The following NRG1 variants were observed in gnomAD, a reference collection of about 807,000 sequenced individuals.
NRG1 encodes the protein neuregulin 1.
A neutral mutation model predicts 63.8 loss-of-function variants in NRG1; 18 were observed. The observed-to-expected ratio is 0.28, with a 90% CI of 0.19 to 0.42. NRG1 has a LOEUF of 0.42. Ranked by LOEUF, NRG1 falls within the 10% of genes least tolerant of loss-of-function variation. The pLI is 1.00. For missense variants in NRG1, 762 were observed against 814.7 expected (o/e 0.94, Z 0.79); for synonymous variants, 302 against 301.3 (o/e 1.00, Z -0.02).
At chr8:31,907,562 CA>C (rs1283319970) in intron 1 of NRG1, among the ~76,000 whole-genome samples, 1 of 151,984 alleles carries the variant, frequency 6.6e-6, no homozygotes, top group African/African-American at 2.4e-5. Context: ...ATGTAAAACA[CA>C]AAAAACCCTG....
intron 1 of NRG1, among the ~76,000 whole-genome samples, chr8:32,442,894 T>G (rs1298598614): frequency 1.3e-5 from 2 of 152,020 alleles, no homozygotes; most frequent in Non-Finnish European, 2.9e-5. Context: ...AAGGAAGAAG[T>G]GTTGGATACA....
chr8:32,035,578 G>T, intron 1 of NRG1, among the ~76,000 whole-genome samples: 1 of 152,184 alleles, frequency 6.6e-6, no homozygotes, highest in Admixed American at 6.5e-5. Flanking sequence ...GGGAGTCTAA[G>T]TCTCTTTGTA....
In NRG1 at chr8:32,708,047, A is replaced by G. The variant is rs1816873005; in HGVS notation, c.503-19902A>G. On this transcript the variant is annotated intron_variant, in intron 5 of 11. Transcript: ENST00000356819. ...AAATAATAGTGGCAGTATTTGTAAT[A>G]AAGTCCTAAAAGTTAAATCATCCTT... Among the ~76,000 whole-genome samples, 4 of 152,088 alleles carry G rather than the reference A, an allele frequency of 2.6e-5. No homozygotes were observed. In the South Asian group the frequency reaches 8.3e-4, roughly 31 times the overall value.
intron 1 of NRG1, among the ~76,000 whole-genome samples, chr8:32,280,580 A>C (rs2129473157): frequency 6.6e-6 from 1 of 150,910 alleles, no homozygotes; most frequent in African/African-American, 2.4e-5. Context: ...GAGGGAGAGT[A>C]GTTATTGCTG....
At chr8:31,690,187 T>C (rs1809345732) in intron 1 of NRG1, among the ~76,000 whole-genome samples, 1 of 152,198 alleles carries the variant, frequency 6.6e-6, no homozygotes, top group South Asian at 2.1e-4. Context: ...CCTTCCACCA[T>C]AATTGTAAGT....
Position 31,830,769 on chromosome 8 carries a change from A to T in NRG1, c.37+191338A>T, listed in dbSNP as rs13249321. ...TACTTCCTCCCTTAGTCTGTGGGGG[A>T]AAAAAAAAAGAAAGAAAAGAAAAGA... On this transcript the variant is annotated intron_variant, in intron 1 of 10. Transcript: ENST00000519301. Among the ~76,000 whole-genome samples, 1,582 of 149,910 alleles carry T rather than the reference A, an allele frequency of 0.011. 47 individuals are homozygous for T. In the South Asian group the frequency reaches 0.12, roughly 11 times the overall value.
intron 1 of NRG1, among the ~76,000 whole-genome samples, chr8:32,185,220 C>T (rs1192391678): frequency 6.6e-6 from 1 of 152,136 alleles, no homozygotes; most frequent in Non-Finnish European, 1.5e-5. Context: ...ACCTGCAGAA[C>T]CATAACACCG....
chr8:32,068,826 C>CT (rs1228425183), intron 1 of NRG1, among the ~76,000 whole-genome samples: 2 of 152,180 alleles, frequency 1.3e-5, no homozygotes, highest in Non-Finnish European at 2.9e-5. Flanking sequence ...AGCTACGTAA[C>CT]TAAGTCTTAG....
At chr8:32,669,992 A>G (rs1489252136) in intron 5 of NRG1, among the ~76,000 whole-genome samples, 1 of 152,190 alleles carries the variant, frequency 6.6e-6, no homozygotes, top group Non-Finnish European at 1.5e-5. Flanking sequence ...ATGAACATTC[A>G]ATTTCGTATC....
At chr8:31,711,803 C>T (rs1811779441) in intron 1 of NRG1, among the ~76,000 whole-genome samples, 1 of 152,154 alleles carries the variant, frequency 6.6e-6, no homozygotes, top group African/African-American at 2.4e-5. Context: ...GGGCTGCTTC[C>T]TGGTTCATAG....
chr8:32,190,173 GTATTATTAT>G (rs376743930), intron 1 of NRG1, among the ~76,000 whole-genome samples: 2 of 150,054 alleles, frequency 1.3e-5, no homozygotes, highest in Admixed American at 6.7e-5. Flanking sequence ...TTATCAAAAT[GTATTATTAT>G]TATTATTATT....
intron 1 of NRG1, among the ~76,000 whole-genome samples, chr8:32,309,514 G>A (rs1856584181): frequency 6.6e-6 from 1 of 152,300 alleles, no homozygotes. Context: ...CTTTTCTCTT[G>A]TTAATCTGCC....
At chr8:31,803,075 G>A (rs1401118852) in intron 1 of NRG1, among the ~76,000 whole-genome samples, 1 of 152,150 alleles carries the variant, frequency 6.6e-6, no homozygotes, top group African/African-American at 2.4e-5. Flanking sequence ...TGCCATGAAG[G>A]ATGAGTCAGA....
chr8:31,727,809 A>C (rs892546065), intron 1 of NRG1, among the ~76,000 whole-genome samples: 9 of 152,194 alleles, frequency 5.9e-5, no homozygotes, highest in Non-Finnish European at 1.2e-4. Flanking sequence ...GCACAGTAGG[A>C]GATTAACAGC....
At chr8:32,008,951 C>A (rs1166024712) in intron 1 of NRG1, among the ~76,000 whole-genome samples, 1 of 152,032 alleles carries the variant, frequency 6.6e-6, no homozygotes, top group Non-Finnish European at 1.5e-5. Context: ...CCAGGTATAT[C>A]CACATATATC....
At chr8:31,674,124 G>A (rs1807437852) in intron 1 of NRG1, among the ~76,000 whole-genome samples, 1 of 152,128 alleles carries the variant, frequency 6.6e-6, no homozygotes, top group Non-Finnish European at 1.5e-5. Context: ...GAATCAGATT[G>A]CCAAATAATA....
chr8:31,918,278 C>G (rs1399022894), intron 1 of NRG1, among the ~76,000 whole-genome samples: 1 of 152,174 alleles, frequency 6.6e-6, no homozygotes, highest in Non-Finnish European at 1.5e-5. Flanking sequence ...CTGTCTTGTG[C>G]AAGTTTTCAA....
At chr8:32,414,937 C>G (rs373979702) in intron 1 of NRG1, among the ~76,000 whole-genome samples, 1 of 151,966 alleles carries the variant, frequency 6.6e-6, no homozygotes, top group Admixed American at 6.6e-5. Flanking sequence ...GTGTACAGTG[C>G]GAAAAACAGC....
chr8:32,344,395 T>TTTCTTTCTTTCTTTCTTCCTCTTTCTTTC (rs1804552888), intron 1 of NRG1, among the ~76,000 whole-genome samples: 1 of 124,204 alleles, frequency 8.1e-6, no homozygotes, highest in Non-Finnish European at 1.8e-5. Flanking sequence ...TTTCTTTCTT[T>TTTCTTTCTTTCTTTCTTCCTCTTTCTTTC]TTTGTGCATG....
Sources: allele counts gnomAD v4.1 joint callset (sites outside exome capture counted in the v4.1 genomes callset), GRCh38; gene constraint gnomAD v4.1.1; transcripts MANE v1.5; gene names NCBI Gene and HGNC (gene_info 2026-07-23, HGNC 2026-07-21).